CCDC68: variants seen among roughly 807,000 people sequenced by gnomAD.
CCDC68 encodes coiled-coil domain containing 68, also known as coiled-coil domain-containing protein 68.
Under a neutral mutation model 47.1 loss-of-function variants are expected in CCDC68, and 45 were observed. The observed-to-expected ratio is 0.96, with a 90% CI of 0.75 to 1.23. The LOEUF (loss-of-function observed/expected upper bound fraction) is 1.23, where lower values mean the gene tolerates loss of function less well. CCDC68 is among the 50% of genes most tolerant of loss of function. The pLI, the probability that CCDC68 is intolerant of heterozygous loss-of-function variation, is 0.00. For synonymous variants in CCDC68, 131 were observed against 129.5 expected (o/e 1.01, Z -0.08); for missense variants, 353 against 373.6 (o/e 0.94, Z 0.45).
intron 8 of CCDC68, among the ~76,000 whole-genome samples, chr18:54,924,134 C>G (rs1397956561): frequency 1.3e-5 from 2 of 152,290 alleles, no homozygotes; most frequent in African/African-American, 4.8e-5. Flanking sequence ...AATTTTTGAT[C>G]ATGTTTTCCT....
intron 7 of CCDC68, among the ~76,000 whole-genome samples, chr18:54,930,624 C>CCCCCCCT (rs1568147337): frequency 3.5e-5 from 1 of 28,516 alleles, no homozygotes; most frequent in Non-Finnish European, 7.1e-5. Flanking sequence ...CCCTTCCCTT[C>CCCCCCCT]CCCTCCCTCC....
chr18:54,931,752 A>G (rs1193827282), intron 7 of CCDC68, among the ~76,000 whole-genome samples: 2 of 152,186 alleles, frequency 1.3e-5, no homozygotes, highest in Non-Finnish European at 2.9e-5. Context: ...TTGCTAGCTT[A>G]TCACTGTGCT....
At chr18:54,922,623 C>T (rs990679552) in intron 8 of CCDC68, among the ~76,000 whole-genome samples, 3 of 152,014 alleles carry the variant, frequency 2.0e-5, no homozygotes, top group Non-Finnish European at 2.9e-5. Flanking sequence ...GAGGCCAAGG[C>T]GGGTAGATCA....
chr18:54,917,865 A>T, intron 10 of CCDC68, 48 bp downstream of exon 10: 2 of 1,003,126 alleles, frequency 2.0e-6, no homozygotes, highest in Non-Finnish European at 3.1e-6. Flanking sequence ...ACACACACAC[A>T]CACACTCACA....
intron 9 of CCDC68, among the ~76,000 whole-genome samples, chr18:54,918,621 T>C (rs1176267002): frequency 6.6e-6 from 1 of 152,158 alleles, no homozygotes; most frequent in East Asian, 1.9e-4. Flanking sequence ...GGCCTTTTAG[T>C]GATGTCATAG....
At chr18:54,954,829 A>T (rs141220621) in intron 1 of CCDC68, 1 of 152,198 alleles carries the variant, frequency 6.6e-6, no homozygotes, top group Non-Finnish European at 1.5e-5. Context: ...ACTCCATCCA[A>T]TCACAAACAG....
intron 10 of CCDC68, among the ~76,000 whole-genome samples, chr18:54,915,548 G>T (rs2043929996): frequency 6.6e-6 from 1 of 152,160 alleles, no homozygotes; most frequent in African/African-American, 2.4e-5. Flanking sequence ...TCCAGGGATG[G>T]TACTTTTATC....
intron 4 of CCDC68, 80 bp downstream of exon 4, chr18:54,940,917 C>A: frequency 1.1e-6 from 1 of 949,432 alleles, no homozygotes; most frequent in Non-Finnish European, 1.7e-6. Context: ...TTCGAATCTT[C>A]AAAGAAGTTA....
chr18:54,941,124 A>C (rs1326729013), intron 3 of CCDC68, 41 bp from the exon 4 acceptor site: 1 of 1,438,246 alleles, frequency 7.0e-7, no homozygotes, highest in African/African-American at 1.4e-5. Flanking sequence ...AAAGGCATTT[A>C]ATGCCAAACG....
chr18:54,954,039 CCTTTCTTTCTTT>C (rs201481771), intron 1 of CCDC68, among the ~76,000 whole-genome samples: 1 of 108,348 alleles, frequency 9.2e-6, no homozygotes, highest in East Asian at 3.1e-4. Flanking sequence ...TTCCCTCCTT[CCTTTCTTTCTTT>C]CTTTCTTTTT....
chr18:54,947,450 A>T (rs1256074279), intron 1 of CCDC68, among the ~76,000 whole-genome samples: 2 of 152,230 alleles, frequency 1.3e-5, no homozygotes, highest in Admixed American at 6.5e-5. Context: ...AAGGTTCCAC[A>T]GCTGAAACAG....
Sources: allele counts gnomAD v4.1 joint callset (sites outside exome capture counted in the v4.1 genomes callset), GRCh38; gene constraint gnomAD v4.1.1; transcripts MANE v1.5; gene names NCBI Gene and HGNC (gene_info 2026-07-23, HGNC 2026-07-21).